Variants in LRP1B observed in about 807,000 individuals in gnomAD.
The protein encoded by LRP1B is low-density lipoprotein receptor-related protein 1B.
In LRP1B, 217 loss-of-function variants were observed where a neutral mutation model predicts 556.6. The ratio of observed to expected loss-of-function variants is 0.39; its 90% CI spans 0.35 to 0.44. LRP1B has a LOEUF of 0.44. Ranked by LOEUF, LRP1B falls within the 20% of genes least tolerant of loss-of-function variation. The pLI is 1.00. For missense variants in LRP1B, 5,053 were observed against 5,620.8 expected (o/e 0.90, Z 3.23); for synonymous variants, 2,047 against 1,865.8 (o/e 1.10, Z -2.50).
At chr2:141,609,469 TTAAA>T (rs371466305) in intron 2 of LRP1B, among the ~76,000 whole-genome samples, 18 of 152,228 alleles carry the variant, frequency 1.2e-4, no homozygotes, top group African/African-American at 3.9e-4. Flanking sequence ...TACAACAGTC[TTAAA>T]TAACTCCATC....
rs115438978 is a variant in LRP1B, at chr2:140,459,842, C to T, written c.9626-2191G>A. On this transcript the variant is annotated intron_variant, in intron 60 of 90. Coordinates refer to ENST00000389484, the MANE Select transcript of LRP1B (RefSeq NM_018557.3). ...TCTCCTGCTAGTGAGTGAGTTCTCA[C>T]GAGATAAGTGTGTAGCACTTCCCCC... Among the ~76,000 whole-genome samples, 770 of 152,032 alleles carry T rather than the reference C, an allele frequency of 5.1e-3. 5 individuals carry two copies. The highest frequency in any genetic ancestry group is 0.018 in the African/African-American group (731 of 41,446).
chr2:142,035,590 C>T (rs1703848688), intron 1 of LRP1B, among the ~76,000 whole-genome samples: 2 of 151,518 alleles, frequency 1.3e-5, no homozygotes, highest in Admixed American at 1.3e-4. Flanking sequence ...GAATAAGCAC[C>T]GCTGCTTATG....
chr2:140,850,258 T>C lies in LRP1B; in HGVS notation c.4783A>G (p.Asn1595Asp), dbSNP rs1336655970. ...RGVDIDNPYF[N>D]FITAFTVPDI... ...GGGACTGTAAATGCCGTGATGAAGT[T>C]AAAGTATGGATTGTCAATATCCACT... The change falls in exon 29 of 91, where the codon AAC becomes GAC. Residue 1595 changes from asparagine to aspartate, a missense_variant. Asn to Asp is a conservative substitution (Grantham distance 23). Transcript: ENST00000389484. 1.2e-6 allele frequency: 2 copies of C among 1,613,704 alleles called. No homozygotes were observed. The highest frequency in any genetic ancestry group is 2.7e-5 in the African/African-American group (2 of 74,940).
intron 11 of LRP1B, among the ~76,000 whole-genome samples, chr2:141,033,151 G>A (rs969793394): frequency 6.6e-6 from 1 of 151,900 alleles, no homozygotes. Context: ...GAGGTGGCAA[G>A]AGGGTTGGTG....
intron 46 of LRP1B, among the ~76,000 whole-genome samples, 197 bp downstream of exon 46, chr2:140,536,384 G>A (rs1320282946): frequency 1.5e-5 from 2 of 137,386 alleles, no homozygotes; most frequent in Non-Finnish European, 3.1e-5. Flanking sequence ...ATTATTTAGT[G>A]AATATCATGG....
intron 41 of LRP1B, among the ~76,000 whole-genome samples, chr2:140,696,067 A>G (rs1686419770): frequency 6.6e-6 from 1 of 152,208 alleles, no homozygotes; most frequent in Non-Finnish European, 1.5e-5. Flanking sequence ...TTAAATACTT[A>G]AAACATGAAT....
chr2:141,376,970 A>C (rs183369702), intron 3 of LRP1B, among the ~76,000 whole-genome samples: 1 of 152,302 alleles, frequency 6.6e-6, no homozygotes, highest in Admixed American at 6.5e-5. Context: ...TATTTACATT[A>C]GATATTCTAA....
In LRP1B at chr2:140,651,956, A is replaced by G. The variant is rs115249634; in HGVS notation, c.6799+48294T>C. On this transcript the variant is annotated intron_variant, in intron 41 of 90. Coordinates refer to ENST00000389484, the MANE Select transcript of LRP1B (RefSeq NM_018557.3). ...AACTTCATTCTAAAGGCTTAGGAAAACAATATGTTTCTTGAATATGGGTAA... is the reference window on the plus strand; with the variant it reads ...AACTTCATTCTAAAGGCTTAGGAAAGCAATATGTTTCTTGAATATGGGTAA... 2.1e-3 allele frequency among the ~76,000 whole-genome samples: 316 copies of G among 152,304 alleles called. 2 individuals are homozygous for G. Among genetic ancestry groups the G allele is most frequent in the African/African-American group, 7.3e-3 (304 of 41,580 alleles).
chr2:141,546,811 T>C (rs1293680872), intron 2 of LRP1B, among the ~76,000 whole-genome samples: 1 of 152,188 alleles, frequency 6.6e-6, no homozygotes, highest in Admixed American at 6.6e-5. Context: ...AGAAACTGCC[T>C]GCTCCTTCAA....
chr2:140,666,291 C>A (rs1685268785), intron 41 of LRP1B, among the ~76,000 whole-genome samples: 1 of 106,528 alleles, frequency 9.4e-6, no homozygotes, highest in South Asian at 3.5e-4. Context: ...TTAATATGAT[C>A]CATTTATTAT....
intron 79 of LRP1B, among the ~76,000 whole-genome samples, chr2:140,331,684 T>TAC (rs1255787377): frequency 3.7e-5 from 4 of 108,556 alleles, no homozygotes; most frequent in Non-Finnish European, 8.0e-5. Flanking sequence ...ACTATATATA[T>TAC]ACATATATAT....
chr2:141,059,103 A>T (rs940931563), intron 8 of LRP1B, 49 bp from the exon 9 acceptor site: 1 of 1,212,686 alleles, frequency 8.2e-7, no homozygotes. Context: ...TGTAGCTTGC[A>T]ATTTGAAAGA....
intron 6 of LRP1B, among the ~76,000 whole-genome samples, chr2:141,197,188 A>C (rs1681791381): frequency 6.6e-6 from 1 of 152,102 alleles, no homozygotes; most frequent in South Asian, 2.1e-4. Flanking sequence ...AGTAGTGGAT[A>C]AGAAATTGCC....
chr2:141,672,806 A>C (rs752150931), intron 2 of LRP1B, among the ~76,000 whole-genome samples: 2 of 152,180 alleles, frequency 1.3e-5, no homozygotes, highest in Non-Finnish European at 2.9e-5. Context: ...ATACTTATCT[A>C]ATGAGAGATG....
chr2:140,745,265 T>C (rs533283008), intron 35 of LRP1B, among the ~76,000 whole-genome samples: 1 of 152,254 alleles, frequency 6.6e-6, no homozygotes. Flanking sequence ...TTCAGTAAGT[T>C]GAAGGTAAAC....
At chr2:140,620,315 T>C (rs1683405652) in intron 41 of LRP1B, among the ~76,000 whole-genome samples, 1 of 152,190 alleles carries the variant, frequency 6.6e-6, no homozygotes, top group Non-Finnish European at 1.5e-5. Flanking sequence ...TAAAGTTCAA[T>C]GAGATTAAGT....
intron 2 of LRP1B, among the ~76,000 whole-genome samples, chr2:141,574,139 CAA>C (rs957615560): frequency 6.6e-6 from 1 of 151,956 alleles, no homozygotes; most frequent in Admixed American, 6.6e-5. Flanking sequence ...AGAGACACAA[CAA>C]AAAAAGAGAA....
intron 3 of LRP1B, among the ~76,000 whole-genome samples, chr2:141,319,108 A>G (rs1687134171): frequency 6.6e-6 from 1 of 152,036 alleles, no homozygotes; most frequent in Non-Finnish European, 1.5e-5. Flanking sequence ...TTTCAACAGA[A>G]TGTTCTTAAT....
chr2:140,891,123 A>C (rs1336125895), intron 23 of LRP1B, among the ~76,000 whole-genome samples: 1 of 152,156 alleles, frequency 6.6e-6, no homozygotes, highest in Non-Finnish European at 1.5e-5. Context: ...GAGATGAGAT[A>C]TGTACAAAAT....
Sources: gnomAD v4.1 joint callset for allele counts (sites outside exome capture counted in the v4.1 genomes callset) on GRCh38, gnomAD v4.1.1 for gene constraint, MANE v1.5 for transcripts, NCBI Gene and HGNC (gene_info 2026-07-23, HGNC 2026-07-21) for gene names.